ZFHX3: variants seen among roughly 807,000 people sequenced by gnomAD.
The protein encoded by ZFHX3 is zinc finger homeobox 3.
Under a neutral mutation model 279.1 loss-of-function variants are expected in ZFHX3, and 42 were observed. That is an observed-to-expected ratio of 0.15 (90% CI 0.12 to 0.19). ZFHX3 has a LOEUF of 0.19. Among genes scored for constraint, ZFHX3 ranks in the 10% least tolerant of loss-of-function variants. The pLI is 1.00. For synonymous variants in ZFHX3, 2,293 were observed against 1,957.8 expected, an observed-to-expected ratio of 1.17 and a Z score of -4.52; for missense variants, 4,981 against 4,754.0, an observed-to-expected ratio of 1.05 and a Z score of -1.40.
At chr16:73,824,272 T>A (rs1489175932) in intron 1 of ZFHX3, among the ~76,000 whole-genome samples, 1 of 152,202 alleles carries the variant, frequency 6.6e-6, no homozygotes, top group African/African-American at 2.4e-5. Context: ...ACAGAGTTGC[T>A]TGAAGCATAG....
At chr16:72,838,088 C>A (rs1003001905) in intron 4 of ZFHX3, among the ~76,000 whole-genome samples, 2 of 152,214 alleles carry the variant, frequency 1.3e-5, no homozygotes, top group Admixed American at 1.3e-4. Context: ...TGCAGGAAAA[C>A]CCCACACTGA....
At chr16:73,685,217 C>G (rs895830138) in intron 1 of ZFHX3, among the ~76,000 whole-genome samples, 1 of 146,442 alleles carries the variant, frequency 6.8e-6, no homozygotes, top group African/African-American at 2.5e-5. Context: ...AGGGTTTCAC[C>G]GTGTTGGCCC....
intron 2 of ZFHX3, among the ~76,000 whole-genome samples, chr16:73,642,573 T>G (rs770991115): frequency 1.3e-5 from 2 of 152,086 alleles, no homozygotes; most frequent in Non-Finnish European, 2.9e-5. Flanking sequence ...TATACCAAAA[T>G]ATAAAACGGC....
In ZFHX3 at chr16:73,278,526, T is replaced by C. The variant is rs146946514; in HGVS notation, c.-1193-21390A>G. On this transcript the variant is annotated intron_variant, in intron 4 of 17. Coordinates refer to the ZFHX3 transcript ENST00000641206. ...AAAGAGTGAGCAGTAGCAAGGTTTA[T>C]TGTGAAGAGCAAAAGAACAAAGCTT... Among the ~76,000 whole-genome samples the C allele has an allele frequency of 3.2e-4, 48 of 152,298 alleles. No homozygotes were observed. In the East Asian group the frequency reaches 8.7e-3, roughly 28 times the overall value.
chr16:72,787,885 T>C lies in ZFHX3; in HGVS notation c.10391A>G (p.Lys3464Arg), dbSNP rs1361795219. 10 of 1,613,834 alleles carry C rather than the reference T, an allele frequency of 6.2e-6. No homozygotes were observed. Among genetic ancestry groups the C allele is most frequent in the Admixed American group, 3.3e-5 (2 of 60,000 alleles). Reference protein sequence around the residue: ...DPFIVPKVQYKLVCRKCQAGF... With the variant: ...DPFIVPKVQYRLVCRKCQAGF... The stretch of plus-strand genomic sequence containing the variant: ...CGCCTGGCACTTGCGGCAGACCAAC[T>C]TGTACTGCACCTTTGGAACAATGAA... Residue 3464 changes from lysine to arginine, a missense_variant, in exon 10 of 10, where the codon AAG becomes AGG. Lys to Arg is a conservative substitution (Grantham distance 26). Around this residue, in one of 7 missense-constraint regions of ZFHX3, gnomAD observed 1,034 missense variants for 786.0 expected, o/e 1.32. Coordinates refer to ENST00000268489, the MANE Select transcript of ZFHX3 (RefSeq NM_006885.4).
intron 3 of ZFHX3, among the ~76,000 whole-genome samples, chr16:72,900,858 A>G (rs1310650221): frequency 6.6e-6 from 1 of 152,230 alleles, no homozygotes; most frequent in African/African-American, 2.4e-5. Context: ...TGGCCACGGA[A>G]AAAGGACCCA....
chr16:73,740,771 T>C (rs550578293), intron 1 of ZFHX3, among the ~76,000 whole-genome samples: 3 of 152,290 alleles, frequency 2.0e-5, no homozygotes, highest in African/African-American at 7.2e-5. Flanking sequence ...CTCGAGTCCA[T>C]GGTAAATGTG....
intron 4 of ZFHX3, among the ~76,000 whole-genome samples, chr16:72,888,406 G>A (rs1345851830): frequency 6.6e-6 from 1 of 152,156 alleles, no homozygotes; most frequent in East Asian, 1.9e-4. Context: ...CAAGAGGTGG[G>A]ACCAATGAGA....
intron 3 of ZFHX3, among the ~76,000 whole-genome samples, chr16:73,424,984 T>G (rs2017786270): frequency 6.6e-6 from 1 of 152,120 alleles, no homozygotes; most frequent in Non-Finnish European, 1.5e-5. Flanking sequence ...GTCTGATAAC[T>G]GGGCCAAAGA....
chr16:73,800,708 G>A (rs1222210054), intron 1 of ZFHX3, among the ~76,000 whole-genome samples: 2 of 152,096 alleles, frequency 1.3e-5, no homozygotes, highest in Non-Finnish European at 1.5e-5. Flanking sequence ...TGACAGCACT[G>A]TGGTCGTGTC....
intron 3 of ZFHX3, among the ~76,000 whole-genome samples, chr16:73,340,944 A>G (rs561887904): frequency 2.0e-5 from 3 of 152,358 alleles, no homozygotes; most frequent in Middle Eastern, 3.4e-3. Flanking sequence ...TGCATGAAAA[A>G]AACATCATAA....
At chr16:73,433,917 G>C (rs748317380) in intron 3 of ZFHX3, among the ~76,000 whole-genome samples, 11 of 152,224 alleles carry the variant, frequency 7.2e-5, no homozygotes, top group Non-Finnish European at 1.0e-4. Flanking sequence ...TCATGGCACA[G>C]CCAGAGGGAG....
chr16:73,222,671 C>A (rs1197707684), intron 5 of ZFHX3, among the ~76,000 whole-genome samples: 1 of 151,892 alleles, frequency 6.6e-6, no homozygotes, highest in African/African-American at 2.4e-5. Flanking sequence ...TCAGTGTAGT[C>A]TCAATCAAAA....
At chr16:72,933,813 CTTTTTTTTT>C (rs71391468) in intron 3 of ZFHX3, among the ~76,000 whole-genome samples, 14 of 112,470 alleles carry the variant, frequency 1.2e-4, no homozygotes, top group East Asian at 4.3e-4. Context: ...TCACAACTTT[CTTTTTTTTT>C]TTTTTTTTTT....
chr16:73,329,467 C>T (rs1261412250), intron 3 of ZFHX3, among the ~76,000 whole-genome samples: 2 of 152,246 alleles, frequency 1.3e-5, no homozygotes, highest in Non-Finnish European at 2.9e-5. Flanking sequence ...CCAGATGCCT[C>T]GACCGGCGGA....
chr16:72,951,681 A>G (rs1961008396), intron 2 of ZFHX3, among the ~76,000 whole-genome samples: 1 of 152,228 alleles, frequency 6.6e-6, no homozygotes, highest in South Asian at 2.1e-4. Flanking sequence ...GAAATGAGTC[A>G]CAGCTGCAAT....
intron 3 of ZFHX3, among the ~76,000 whole-genome samples, chr16:73,405,409 C>T (rs896876233): frequency 3.3e-5 from 5 of 152,078 alleles, no homozygotes; most frequent in African/African-American, 9.7e-5. Flanking sequence ...CCAAACAGAA[C>T]CCAGATCTAA....
chr16:73,331,137 T>C (rs2015794196), intron 3 of ZFHX3, among the ~76,000 whole-genome samples: 1 of 152,204 alleles, frequency 6.6e-6, no homozygotes, highest in Admixed American at 6.5e-5. Flanking sequence ...AAACACACCC[T>C]TCTTCACATG....
At chr16:73,156,107 C>T (rs376031463) in intron 5 of ZFHX3, among the ~76,000 whole-genome samples, 1 of 149,452 alleles carries the variant, frequency 6.7e-6, no homozygotes, top group East Asian at 2.0e-4. Flanking sequence ...TGGCGGATGC[C>T]TGTAGTCCCA....
Sources: gnomAD v4.1 joint callset for allele counts (sites outside exome capture counted in the v4.1 genomes callset) on GRCh38, gnomAD v4.1.1 for gene constraint, gnomAD v4.1.1 regional missense constraint, MANE v1.5 for transcripts, NCBI Gene and HGNC (gene_info 2026-07-23, HGNC 2026-07-21) for gene names.